The following PCDHGA4 variants were observed in gnomAD, a reference collection of about 807,000 sequenced individuals.
PCDHGA4 encodes protocadherin gamma subfamily A, 4, also known as protocadherin gamma-A4.
Under a neutral mutation model 54.6 loss-of-function variants are expected in PCDHGA4, and 38 were observed. The observed-to-expected ratio is 0.70, with a 90% CI of 0.54 to 0.91. The LOEUF (loss-of-function observed/expected upper bound fraction) is 0.91, where lower values mean the gene tolerates loss of function less well. Among genes scored for constraint, PCDHGA4 ranks in the 40% least tolerant of loss-of-function variants. PCDHGA4 has a pLI of 0.00. For synonymous variants in PCDHGA4, 511 were observed against 512.9 expected (o/e 1.00, Z 0.05); for missense variants, 1,298 against 1,220.9 (o/e 1.06, Z -0.94).
chr5:141,510,221 C>T lies in PCDHGA4; in HGVS notation c.2663-726C>T, dbSNP rs891359580. On this transcript the variant is annotated intron_variant, in intron 3 of 3. Transcript: ENST00000571252. The stretch of plus-strand genomic sequence containing the variant: ...CCAGGAGGCAGAGGTTGCAGTGAGC[C>T]GGGATCGCGCCACTGCACTCCAGGC... Among the ~76,000 whole-genome samples, 12 of 150,616 alleles carry T rather than the reference C, an allele frequency of 8.0e-5. No homozygotes were observed. In the East Asian group the frequency reaches 1.2e-3, roughly 15 times the overall value.
intron 1 of PCDHGA4, among the ~76,000 whole-genome samples, chr5:141,482,529 GC>G (rs1229840218): frequency 3.6e-5 from 2 of 56,040 alleles, no homozygotes; most frequent in Non-Finnish European, 5.8e-5. Context: ...AGACAGACAT[GC>G]AAAAAAAAAA....
rs1181585491 is a variant in PCDHGA4, at chr5:141,371,693, C to A, written c.2514+14072C>A. Reference sequence around the variant, plus strand: ...CCGACAAAGGCAATCCACCGCTCTCCTCCAGCAAGACCATCACTCTGCACA... The same window carrying A: ...CCGACAAAGGCAATCCACCGCTCTCATCCAGCAAGACCATCACTCTGCACA... On this transcript the variant is annotated intron_variant, in intron 1 of 3. Transcript: ENST00000571252. 6.8e-6 allele frequency: 11 copies of A among 1,613,948 alleles called. No individual in the cohort carries two copies. In the Admixed American group the frequency reaches 1.7e-4, roughly 24 times the overall value.
At chr5:141,383,499 G>A (rs1779188122) in intron 1 of PCDHGA4, 1 of 1,612,970 alleles carries the variant, frequency 6.2e-7, no homozygotes. Flanking sequence ...AGCGGGTGCT[G>A]GACCGGGAGG....
At chr5:141,504,709 C>G (rs11743102) in intron 2 of PCDHGA4, among the ~76,000 whole-genome samples, 29,287 of 151,306 alleles carry the variant, frequency 0.19, 2,876 homozygotes, top group Middle Eastern at 0.24. Context: ...CTTCTATGGC[C>G]GTGGATTTTA....
rs200568923 is a variant in PCDHGA4 at position 141,413,794 on chromosome 5, G to A, written c.2514+56173G>A. On this transcript the variant is annotated intron_variant, in intron 1 of 3. Coordinates refer to ENST00000571252, the MANE Select transcript of PCDHGA4 (RefSeq NM_018917.4). The stretch of plus-strand genomic sequence containing the variant: ...GGTACTGGAGCACTCCCTAGATCGC[G>A]AGGAAGAGGCCATTCACCACCTGGT... 6.7e-5 allele frequency: 108 copies of A among 1,613,050 alleles called. No individual in the cohort carries two copies. Among genetic ancestry groups the A allele is most frequent in the Admixed American group, 8.3e-5 (5 of 59,990 alleles).
intron 3 of PCDHGA4, among the ~76,000 whole-genome samples, chr5:141,509,353 C>A (rs2099876446): frequency 6.6e-6 from 1 of 152,170 alleles, no homozygotes; most frequent in Non-Finnish European, 1.5e-5. Context: ...CTGGCCTGGG[C>A]ATCCCTGAGG....
At chr5:141,384,941 C>G in intron 1 of PCDHGA4, 1 of 1,614,104 alleles carries the variant, frequency 6.2e-7, no homozygotes, top group Non-Finnish European at 8.5e-7. Context: ...CTTGAGCCCT[C>G]CGACGGTCCT....
rs749759763 is a variant in PCDHGA4 at position 141,384,376 on chromosome 5, G to A, written c.2514+26755G>A. On this transcript the variant is annotated intron_variant, in intron 1 of 3. Coordinates refer to ENST00000571252, the MANE Select transcript of PCDHGA4 (RefSeq NM_018917.4). ...TGCCCAGATCACTTATTCCTTGGCCGAAGACACCATCCAGGGGGCTCCAGT... is the reference window on the plus strand; with the variant it reads ...TGCCCAGATCACTTATTCCTTGGCCAAAGACACCATCCAGGGGGCTCCAGT... 10 of 1,613,786 alleles carry A rather than the reference G, an allele frequency of 6.2e-6. No individual in the cohort carries two copies. In the African/African-American group the frequency reaches 8.0e-5, roughly 13 times the overall value.
chr5:141,365,621 C>A (rs1764025097), intron 1 of PCDHGA4: 2 of 1,613,576 alleles, frequency 1.2e-6, no homozygotes, highest in Non-Finnish European at 8.5e-7. Context: ...TGGAACCCCG[C>A]CCCTCTCTAC....
At chr5:141,433,123 C>T (rs575738328) in intron 1 of PCDHGA4, 5 of 1,614,116 alleles carry the variant, frequency 3.1e-6, no homozygotes, top group African/African-American at 2.7e-5. Context: ...TTGAAAAAAG[C>T]GAGCCCCTTT....
At chr5:141,369,314 T>C (rs1414185068) in intron 1 of PCDHGA4, among the ~76,000 whole-genome samples, 1 of 152,134 alleles carries the variant, frequency 6.6e-6, no homozygotes, top group Non-Finnish European at 1.5e-5. Flanking sequence ...TTAGGCTACT[T>C]GAGAAGAAAC....
Position 141,512,288 on chromosome 5 carries a change from TCAGCGGAGCCCCAGCAGGAAGGGTGGGC to T in PCDHGA4, c.*1120_*1147del, listed in dbSNP as rs1375137843. The T allele has an allele frequency of 6.5e-6, 1 of 152,680 alleles. No individual in the cohort carries two copies. Among genetic ancestry groups the T allele is most frequent in the Non-Finnish European group, 1.5e-5 (1 of 68,182 alleles). The allele number at this position is 152,680 out of a possible 1,614,324, so 9.5% of individuals were successfully genotyped here. ...TCCAGAGGTGCCACTGGTGGAAGGG[TCAGCGGAGCCCCAGCAGGAAGGGTGGGC>T]CAGCCAGGCCATTCTTAGTCCCTGG... On this transcript the variant is annotated 3_prime_UTR_variant, in exon 4 of 4. Coordinates refer to ENST00000571252, the MANE Select transcript of PCDHGA4 (RefSeq NM_018917.4).
chr5:141,423,117 G>T, intron 1 of PCDHGA4: 1 of 1,613,816 alleles, frequency 6.2e-7, no homozygotes, highest in Non-Finnish European at 8.5e-7. Flanking sequence ...TGCGTACAGC[G>T]CGGGCACTGC....
chr5:141,372,210 T>A, intron 1 of PCDHGA4: 3 of 1,613,574 alleles, frequency 1.9e-6, no homozygotes, highest in Non-Finnish European at 2.5e-6. Flanking sequence ...CTGGCTGTCC[T>A]ACCACATTGT....
intron 1 of PCDHGA4, chr5:141,370,631 C>A (rs1192871928): frequency 6.2e-7 from 1 of 1,613,710 alleles, no homozygotes; most frequent in South Asian, 1.1e-5. Flanking sequence ...CCGTGAGCCC[C>A]GAAAATGGGA....
At position 141,419,994 on chromosome 5, in the gene PCDHGA4, C is replaced by T. The variant is rs757658202; in HGVS notation, c.2514+62373C>T. 1.9e-6 allele frequency: 3 copies of T among 1,614,072 alleles called. No homozygotes were observed. Among genetic ancestry groups the T allele is most frequent in the East Asian group, 4.5e-5 (2 of 44,884 alleles). ...CTCCTCGCGGTGATTCTAGCTATTG[C>T]TCTACGCCTGCGACAGTCTTTCAGC... On this transcript the variant is annotated intron_variant, in intron 1 of 3. Coordinates refer to ENST00000571252, the MANE Select transcript of PCDHGA4 (RefSeq NM_018917.4).
chr5:141,363,785 C>G (rs1268075171), intron 1 of PCDHGA4, among the ~76,000 whole-genome samples: 1 of 152,020 alleles, frequency 6.6e-6, no homozygotes, highest in Non-Finnish European at 1.5e-5. Context: ...CTAAATTTAT[C>G]CTAATAAGGA....
intron 1 of PCDHGA4, chr5:141,392,833 GC>G (rs922844407): frequency 1.2e-6 from 2 of 1,604,258 alleles, no homozygotes; most frequent in Non-Finnish European, 1.7e-6. Context: ...CCACAGAGTC[GC>G]CCCAGACGCG....
At chr5:141,395,036 G>A in intron 1 of PCDHGA4, 2 of 1,614,110 alleles carry the variant, frequency 1.2e-6, no homozygotes, top group Non-Finnish European at 8.5e-7. Context: ...CACATTTTGT[G>A]GGTGTTGAGG....
Sources: allele counts gnomAD v4.1 joint callset (sites outside exome capture counted in the v4.1 genomes callset), GRCh38; gene constraint gnomAD v4.1.1; transcripts MANE v1.5; gene names NCBI Gene and HGNC (gene_info 2026-07-23, HGNC 2026-07-21).